MEMO1: variants seen among roughly 807,000 people sequenced by gnomAD.
MEMO1 encodes protein MEMO1.
In MEMO1, 6 loss-of-function variants were observed where a neutral mutation model predicts 45.2. The observed-to-expected ratio is 0.13, with a 90% CI of 0.07 to 0.26. The LOEUF (loss-of-function observed/expected upper bound fraction) is 0.26, where lower values mean the gene tolerates loss of function less well. MEMO1 is among the 10% of genes least tolerant of loss of function. The pLI, the probability that MEMO1 is intolerant of heterozygous loss-of-function variation, is 1.00. For synonymous variants in MEMO1, 78 were observed against 124.3 expected, an observed-to-expected ratio of 0.63 and a Z score of 2.48; for missense variants, 184 against 370.5, an observed-to-expected ratio of 0.50 and a Z score of 4.13.
intron 6 of MEMO1, among the ~76,000 whole-genome samples, chr2:31,903,962 CTCTATT>C (rs1335916092): frequency 6.6e-6 from 1 of 152,182 alleles, no homozygotes; most frequent in Non-Finnish European, 1.5e-5. Context: ...ATCTACTTTT[CTCTATT>C]TCTAACATTT....
chr2:31,963,167 C>T (rs553399029), intron 2 of MEMO1: 103 of 1,538,844 alleles, frequency 6.7e-5, no homozygotes, highest in Admixed American at 5.7e-4. Context: ...AAAGTGAAAC[C>T]GCACCGTCAG....
rs375782826 is a variant in MEMO1, at chr2:31,896,000, C to G, written c.438-3866G>C. 3.5e-3 allele frequency among the ~76,000 whole-genome samples: 527 copies of G among 151,780 alleles called. 3 individuals carry two copies. Among genetic ancestry groups the G allele is most frequent in the African/African-American group, 0.012 (499 of 41,430 alleles). On this transcript the variant is annotated intron_variant, in intron 6 of 9. Coordinates refer to ENST00000404530, the MANE Select transcript of MEMO1 (RefSeq NM_001301833.4). The stretch of plus-strand genomic sequence containing the variant: ...CTGGGACTACAGGCGCCCGCCACCT[C>G]GCCCAGCTAATTTTTTGTATTTTTA...
intron 2 of MEMO1, among the ~76,000 whole-genome samples, chr2:31,962,425 G>T (rs982579798): frequency 6.6e-6 from 1 of 151,980 alleles, no homozygotes; most frequent in South Asian, 2.1e-4. Context: ...GAGAGAGAGA[G>T]ATAACTATAA....
intron 6 of MEMO1, among the ~76,000 whole-genome samples, chr2:31,902,382 A>G (rs1303627729): frequency 6.6e-6 from 1 of 152,028 alleles, no homozygotes; most frequent in Non-Finnish European, 1.5e-5. Flanking sequence ...TAGGCAACAG[A>G]GCAAGACTCT....
chr2:31,929,320 T>C (rs1232663676), intron 4 of MEMO1, among the ~76,000 whole-genome samples: 1 of 152,230 alleles, frequency 6.6e-6, no homozygotes, highest in East Asian at 1.9e-4. Context: ...TTTGTCTTTT[T>C]TTGCAAATAT....
intron 6 of MEMO1, among the ~76,000 whole-genome samples, chr2:31,893,867 G>C (rs564125007): frequency 1.4e-4 from 21 of 152,126 alleles, no homozygotes; most frequent in Non-Finnish European, 2.9e-4. Context: ...CTGTAAGGAG[G>C]TATAAAATTC....
intron 2 of MEMO1, among the ~76,000 whole-genome samples, chr2:31,973,283 G>A (rs906961746): frequency 5.3e-5 from 8 of 152,074 alleles, no homozygotes; most frequent in South Asian, 2.1e-4. Context: ...GTGAAACCCC[G>A]TCTCTACTAA....
intron 2 of MEMO1, among the ~76,000 whole-genome samples, chr2:32,000,788 A>G (rs781366917): frequency 5.5e-5 from 8 of 144,908 alleles, no homozygotes; most frequent in East Asian, 4.0e-4. Context: ...AGCATACCAC[A>G]TATTTTTTTT....
intron 5 of MEMO1, among the ~76,000 whole-genome samples, chr2:31,920,430 A>C (rs1259553541): frequency 6.6e-6 from 1 of 152,192 alleles, no homozygotes; most frequent in African/African-American, 2.4e-5. Context: ...ATCTATTTAC[A>C]GTGAGAAAAG....
At chr2:31,888,155 A>G (rs1321260307) in intron 7 of MEMO1, among the ~76,000 whole-genome samples, 1 of 152,120 alleles carries the variant, frequency 6.6e-6, no homozygotes, top group Non-Finnish European at 1.5e-5. Flanking sequence ...AGGCAAATCA[A>G]ATAAAGCATG....
chr2:31,923,610 C>A (rs1207849504), intron 4 of MEMO1: 13 of 1,525,112 alleles, frequency 8.5e-6, no homozygotes, highest in Non-Finnish European at 1.1e-5. Context: ...GTTTAGGTAG[C>A]CTGACTAGGG....
intron 6 of MEMO1, among the ~76,000 whole-genome samples, chr2:31,899,883 G>A (rs1417039778): frequency 8.5e-5 from 13 of 152,084 alleles, no homozygotes; most frequent in African/African-American, 2.4e-4. Context: ...ATGAACAGAC[G>A]CTTCTCAAAA....
At chr2:31,928,454 G>A (rs1195842315) in intron 4 of MEMO1, among the ~76,000 whole-genome samples, 3 of 151,320 alleles carry the variant, frequency 2.0e-5, no homozygotes, top group African/African-American at 7.3e-5. Context: ...GGCTGAGGCA[G>A]GAGAATCACT....
In MEMO1 at chr2:31,922,343, G is replaced by GA. The variant is rs748280495; in HGVS notation, c.213-1434dup. On this transcript the variant is annotated intron_variant, in intron 4 of 9. Coordinates refer to ENST00000404530, the MANE Select transcript of MEMO1 (RefSeq NM_001301833.4). The stretch of plus-strand genomic sequence containing the variant: ...TGTGGATATTAAGTTGTTCTGCTAT[G>GA]AAAAAAAAAAAAAAAAGAAAGTTGT... Among the ~76,000 whole-genome samples the GA allele has an allele frequency of 7.1e-3, 839 of 118,604 alleles. 7 individuals carry two copies. The highest frequency in any genetic ancestry group is 0.017 in the African/African-American group (568 of 32,562). The allele number at this position is 118,604 out of a possible 152,430, so 77.8% of individuals were successfully genotyped here. A position where few individuals can be genotyped will look rare whatever the true frequency, so the allele number is the denominator to read the frequency against.
chr2:31,870,049 A>T, intron 8 of MEMO1, 97 bp from the exon 9 acceptor site: 1 of 953,772 alleles, frequency 1.0e-6, no homozygotes, highest in Non-Finnish European at 1.4e-6. Flanking sequence ...CTTAAACATA[A>T]TTCTTCAATT....
At chr2:31,915,389 C>T (rs1460634624) in intron 6 of MEMO1, among the ~76,000 whole-genome samples, 1 of 152,082 alleles carries the variant, frequency 6.6e-6, no homozygotes, top group East Asian at 1.9e-4. Context: ...CATGCTACTC[C>T]TCCCATCAAG....
intron 2 of MEMO1, among the ~76,000 whole-genome samples, chr2:31,988,872 G>A (rs1469709018): frequency 6.6e-6 from 1 of 152,072 alleles, no homozygotes; most frequent in Non-Finnish European, 1.5e-5. Flanking sequence ...AGAACAACTA[G>A]TTACTTACTC....
intron 2 of MEMO1, among the ~76,000 whole-genome samples, chr2:31,969,563 T>C (rs1469461331): frequency 6.7e-6 from 1 of 149,160 alleles, no homozygotes. Flanking sequence ...ACTTTCTAAA[T>C]CTTTTCTGGG....
At chr2:31,959,300 C>CA (rs1464600949) in intron 2 of MEMO1, among the ~76,000 whole-genome samples, 1 of 151,826 alleles carries the variant, frequency 6.6e-6, no homozygotes, top group Non-Finnish European at 1.5e-5. Context: ...ATGATGATGA[C>CA]AATAGAAATG....
Sources: allele counts gnomAD v4.1 joint callset (sites outside exome capture counted in the v4.1 genomes callset), GRCh38; gene constraint gnomAD v4.1.1; transcripts MANE v1.5; gene names NCBI Gene and HGNC (gene_info 2026-07-23, HGNC 2026-07-21).